The following RGS17 variants were observed in gnomAD, a reference collection of about 807,000 sequenced individuals.
The protein encoded by RGS17 is regulator of G protein signaling 17.
Under a neutral mutation model 25.5 loss-of-function variants are expected in RGS17, and 12 were observed. The ratio of observed to expected loss-of-function variants is 0.47; its 90% confidence interval spans 0.30 to 0.76. The LOEUF (loss-of-function observed/expected upper bound fraction) is 0.76. Among genes scored for constraint, RGS17 ranks in the 30% least tolerant of loss-of-function variants. RGS17 has a pLI of 0.07. For synonymous variants in RGS17, 71 were observed against 76.9 expected (o/e 0.92, Z 0.40); for missense variants, 196 against 242.2 (o/e 0.81, Z 1.27).
chr6:153,024,242 A>G lies in RGS17; in HGVS notation c.444+20T>C, dbSNP rs754435389. Reference sequence around the variant, plus strand: ...TCCTTGGTCTTAGGAAGCCCACCTCAATGTTTTCCAGATTTTTACCTCTTT... The same window carrying G: ...TCCTTGGTCTTAGGAAGCCCACCTCGATGTTTTCCAGATTTTTACCTCTTT... On this transcript the variant is annotated intron_variant, in intron 4 of 4. Coordinates refer to ENST00000206262, the MANE Select transcript of RGS17 (RefSeq NM_012419.5). 6.5e-7 allele frequency: 1 copy of G among 1,544,858 alleles called. No homozygotes were observed. Among genetic ancestry groups the G allele is most frequent in the South Asian group, 1.1e-5 (1 of 88,174 alleles).
At chr6:153,051,832 C>A (rs1776465234) in intron 1 of RGS17, among the ~76,000 whole-genome samples, 1 of 152,152 alleles carries the variant, frequency 6.6e-6, no homozygotes, top group Admixed American at 6.6e-5. Flanking sequence ...AAGAGTATTA[C>A]CAAGCCACCA....
chr6:153,039,126 C>T (rs537791247), intron 2 of RGS17, among the ~76,000 whole-genome samples: 38 of 152,190 alleles, frequency 2.5e-4, no homozygotes, highest in Non-Finnish European at 4.3e-4. Flanking sequence ...TTGGAAATGG[C>T]TCATATCAAA....
At position 153,036,503 on chromosome 6, in the gene RGS17, C is replaced by T. The variant is rs376669528; in HGVS notation, c.119+7397G>A. On this transcript the variant is annotated intron_variant, in intron 2 of 4. Coordinates refer to ENST00000206262, the MANE Select transcript of RGS17 (RefSeq NM_012419.5). ...TTTCACCCTGGAATACTCACCAGGGCGAATCATTCTCATCTCTTGCAACTG... is the reference window on the plus strand; with the variant it reads ...TTTCACCCTGGAATACTCACCAGGGTGAATCATTCTCATCTCTTGCAACTG... 2.5e-3 allele frequency among the ~76,000 whole-genome samples: 382 copies of T among 152,242 alleles called. 2 individuals carry two copies. The highest frequency in any genetic ancestry group is 8.6e-3 in the African/African-American group (356 of 41,546).
Position 153,130,087 on chromosome 6 carries a change from C to T in RGS17, c.-26+1037G>A. ...GGGCTCGCGAGGAGCAGCTCCCACC[C>T]GCGGCTTCCGAGTCCAGCTCTGTCC... On this transcript the variant is annotated intron_variant, in intron 1 of 4. Coordinates refer to ENST00000206262, the MANE Select transcript of RGS17 (RefSeq NM_012419.5). This position sits in a 1 kb window ranked among gnomAD's most constrained non-coding sequence, Gnocchi z 6.4. 6.6e-6 allele frequency among the ~76,000 whole-genome samples: 1 copy of T among 152,148 alleles called. No individual in the cohort carries two copies. The highest frequency in any genetic ancestry group is 1.9e-4 in the East Asian group (1 of 5,168).
intron 1 of RGS17, among the ~76,000 whole-genome samples, chr6:153,103,256 T>A (rs1177915452): frequency 6.6e-6 from 1 of 152,262 alleles, no homozygotes; most frequent in Non-Finnish European, 1.5e-5. Flanking sequence ...AATAATGGGC[T>A]GAGATGTTTC....
chr6:153,043,999 G>A lies in RGS17; in HGVS notation c.20C>T (p.Ser7Phe), dbSNP rs1199106230. 1.2e-6 allele frequency: 2 copies of A among 1,611,494 alleles called. No individual in the cohort carries two copies. Among genetic ancestry groups the A allele is most frequent in the East Asian group, 4.5e-5 (2 of 44,682 alleles). The change falls in exon 2 of 5, where the codon TCC (serine) becomes TTC (phenylalanine). Residue 7 changes from serine (S) to phenylalanine (F), a missense_variant. Around this residue, in one of 2 missense-constraint regions of RGS17, gnomAD observed 17 missense variants for 44.7 expected, o/e 0.38. Coordinates refer to ENST00000206262, the MANE Select transcript of RGS17 (RefSeq NM_012419.5). The stretch of plus-strand genomic sequence containing the variant: ...CACGGCAGGTGTTCCTTCATTTTGG[G>A]ACTGCTGCCTTTTTCGCATTTCAGC... MRKRQQ[S>F]QNEGTPAVSQ...
intron 4 of RGS17, among the ~76,000 whole-genome samples, 185 bp from the exon 5 acceptor site, chr6:153,011,947 T>TAAAC (rs36102124): frequency 0.7 from 105,445 of 151,608 alleles, 36,781 homozygotes; most frequent in Admixed American, 0.73. Flanking sequence ...TTGCACTAAA[T>TAAAC]AAAAAAATCC....
chr6:153,071,252 G>T (rs774885564), intron 1 of RGS17, among the ~76,000 whole-genome samples: 17 of 150,764 alleles, frequency 1.1e-4, no homozygotes, highest in African/African-American at 1.7e-4. Context: ...AAACTATAAG[G>T]TACTGAGCAT....
In RGS17 at chr6:153,042,727, T is replaced by C. The variant is rs575621189; in HGVS notation, c.119+1173A>G. ...CAGATTACTACAATGACTATGTTTT[T>C]CTGAAACTGGAGTTTTCTAGAGTGG... On this transcript the variant is annotated intron_variant, in intron 2 of 4. Transcript: ENST00000206262. Among the ~76,000 whole-genome samples the C allele has an allele frequency of 2.0e-5, 3 of 152,354 alleles. No individual in the cohort carries two copies. The South Asian group carries it at 6.2e-4, about 32-fold the overall frequency.
intron 1 of RGS17, among the ~76,000 whole-genome samples, chr6:153,059,696 G>C (rs529682639): frequency 1.3e-5 from 2 of 152,258 alleles, no homozygotes; most frequent in Admixed American, 6.5e-5. Context: ...AATCCCAACT[G>C]TAACAATTGT....
At chr6:153,122,108 C>T (rs1777640961) in intron 1 of RGS17, among the ~76,000 whole-genome samples, 1 of 152,080 alleles carries the variant, frequency 6.6e-6, no homozygotes, top group African/African-American at 2.4e-5. Flanking sequence ...GTTTTCTGAG[C>T]CCAGCCTTCC....
In RGS17 at chr6:153,006,249, T is replaced by C. The variant is rs1225909684; in HGVS notation, c.*5325A>G. On this transcript the variant is annotated 3_prime_UTR_variant, in exon 5 of 5. Coordinates refer to ENST00000206262, the MANE Select transcript of RGS17 (RefSeq NM_012419.5). Reference sequence around the variant, plus strand: ...AAAGAGTGTTTTCTAATTGTCAATCTCTTATAACTTAGTCTTAGCCCTATA... The same window carrying C: ...AAAGAGTGTTTTCTAATTGTCAATCCCTTATAACTTAGTCTTAGCCCTATA... The C allele has an allele frequency of 6.6e-6, 1 of 152,288 alleles. No individual in the cohort carries two copies. The highest frequency in any genetic ancestry group is 1.5e-5 in the Non-Finnish European group (1 of 68,040). The allele number at this position is 152,288 out of a possible 1,614,324, so 9.4% of individuals were successfully genotyped here.
At chr6:153,019,975 A>T (rs1221127347) in intron 4 of RGS17, among the ~76,000 whole-genome samples, 1 of 151,080 alleles carries the variant, frequency 6.6e-6, no homozygotes, top group Non-Finnish European at 1.5e-5. Flanking sequence ...CATCACTTTT[A>T]AAAAATTTAC....
At chr6:153,070,171 A>T (rs1435646188) in intron 1 of RGS17, among the ~76,000 whole-genome samples, 1 of 152,040 alleles carries the variant, frequency 6.6e-6, no homozygotes, top group Non-Finnish European at 1.5e-5. Flanking sequence ...CCTCCCACTA[A>T]AGTACTCTCT....
chr6:153,014,151 T>A (rs1049173564), intron 4 of RGS17, among the ~76,000 whole-genome samples: 5 of 152,136 alleles, frequency 3.3e-5, no homozygotes, highest in African/African-American at 1.2e-4. Flanking sequence ...ACTGGTAACT[T>A]TAAACAGATA....
intron 1 of RGS17, among the ~76,000 whole-genome samples, chr6:153,125,920 T>A (rs1208650539): frequency 6.6e-6 from 1 of 152,220 alleles, no homozygotes; most frequent in Non-Finnish European, 1.5e-5. Flanking sequence ...CCAAGCTAGA[T>A]AATTAAACTT....
intron 1 of RGS17, among the ~76,000 whole-genome samples, chr6:153,119,899 T>G (rs1562339389): frequency 6.6e-6 from 1 of 152,222 alleles, no homozygotes; most frequent in African/African-American, 2.4e-5. Flanking sequence ...CAATTTAGAA[T>G]GTATAATCTT....
chr6:153,018,396 T>C (rs1779206940), intron 4 of RGS17, among the ~76,000 whole-genome samples: 1 of 152,218 alleles, frequency 6.6e-6, no homozygotes, highest in Admixed American at 6.5e-5. Context: ...TTTCACCTCT[T>C]TGAGTATCAG....
At position 153,006,023 on chromosome 6, in the gene RGS17, AT is replaced by A. The variant is rs1196638434; in HGVS notation, c.*5550del. ...TACTATTTTAAATTTTATACATTTTATTTTTTTCTTAGAGTCAGGGTCTCAC... is the reference window on the plus strand; with the variant it reads ...TACTATTTTAAATTTTATACATTTTATTTTTTCTTAGAGTCAGGGTCTCAC... On this transcript the variant is annotated 3_prime_UTR_variant, in exon 5 of 5. Coordinates refer to ENST00000206262, the MANE Select transcript of RGS17 (RefSeq NM_012419.5). The A allele has an allele frequency of 2.0e-5, 3 of 152,016 alleles. No homozygotes were observed. Among genetic ancestry groups the A allele is most frequent in the African/African-American group, 7.2e-5 (3 of 41,392 alleles). 9.4% of individuals were successfully genotyped at this position (152,016 alleles called of 1,614,324 possible).
Sources: allele counts gnomAD v4.1 joint callset (sites outside exome capture counted in the v4.1 genomes callset), GRCh38; gene constraint gnomAD v4.1.1; regional missense constraint gnomAD v4.1.1; non-coding constraint Gnocchi (gnomAD v3.1); transcripts MANE v1.5; gene names NCBI Gene and HGNC (gene_info 2026-07-23, HGNC 2026-07-21).